The following GIMAP1 variants were observed in gnomAD, a reference collection of about 807,000 sequenced individuals.
The protein encoded by GIMAP1 is GTPase IMAP family member 1.
For synonymous variants in GIMAP1, 230 were observed against 187.7 expected, an observed-to-expected ratio of 1.23 and a Z score of -1.84; for missense variants, 423 against 411.9, an observed-to-expected ratio of 1.03 and a Z score of -0.23.
At position 150,720,809 on chromosome 7, in the gene GIMAP1, A is replaced by G; in HGVS notation, c.805A>G (p.Lys269Glu). ...GTCGGCCCGGCTGTGGAAGTGGCTGAAGTCCCCCAGGAGCTGGAGGCTGGG... is the reference window on the plus strand; with the variant it reads ...GTCGGCCCGGCTGTGGAAGTGGCTGGAGTCCCCCAGGAGCTGGAGGCTGGG... ...WLSARLWKWL[K>E]SPRSWRLGLA... Residue 269 changes from lysine (K) to glutamate (E), a missense_variant, in exon 3 of 3, where the codon AAG becomes GAG. By Grantham distance (56) the Lys-to-Glu change is moderately conservative (BLOSUM62 1). Transcript: ENST00000307194. This position sits in a 1 kb window ranked among gnomAD's most constrained non-coding sequence, Gnocchi z 4.5. 2 of 1,596,230 alleles carry G rather than the reference A, an allele frequency of 1.3e-6. No homozygotes were observed. Among genetic ancestry groups the G allele is most frequent in the Non-Finnish European group, 8.5e-7 (1 of 1,172,856 alleles).
intron 1 of GIMAP1, among the ~76,000 whole-genome samples, chr7:150,717,475 T>C (rs1404979708): frequency 1.3e-5 from 2 of 152,208 alleles, no homozygotes; most frequent in Non-Finnish European, 2.9e-5. Context: ...TCTTAAAGTG[T>C]TAGGAATACA....
intron 2 of GIMAP1, among the ~76,000 whole-genome samples, 169 bp from the exon 3 acceptor site, chr7:150,719,878 AG>A (rs1273269327): frequency 2.0e-4 from 31 of 152,378 alleles, no homozygotes; most frequent in African/African-American, 5.5e-4. Context: ...CTGTAGTTGG[AG>A]CATCTACTGG....
chr7:150,719,245 G>T, intron 2 of GIMAP1, 155 bp downstream of exon 2: 1 of 863,830 alleles, frequency 1.2e-6, no homozygotes, highest in South Asian at 1.7e-5. Context: ...CTGCATTTTA[G>T]CTGGATCTCT....
rs1797282831 is a variant in GIMAP1 at position 150,720,517 on chromosome 7, C to T, written c.513C>T (p.Asn171=). 6.2e-7 allele frequency: 1 copy of T among 1,600,970 alleles called. No homozygotes were observed. ...SLHDYVSNTE[N]RALRELVAEC... ...ACGATTACGTGAGCAACACAGAGAA[C>T]CGGGCCTTGCGCGAGCTGGTGGCCG... is the stretch of plus-strand genomic sequence containing the variant. The change falls in exon 3 of 3, where the codon AAC becomes AAT. Residue 171 remains asparagine (N), a synonymous_variant. Coordinates refer to ENST00000307194, the MANE Select transcript of GIMAP1 (RefSeq NM_130759.4). The surrounding 1 kb of genome is among the most constrained non-coding windows in gnomAD (Gnocchi z 4.5).
Position 150,720,578 on chromosome 7 carries a change from G to A in GIMAP1, c.574G>A (p.Ala192Thr), listed in dbSNP as rs143633188. The change falls in exon 3 of 3, where the codon GCC becomes ACC. Residue 192 changes from alanine to threonine, a missense_variant. Ala to Thr is a moderately conservative substitution (Grantham distance 58). Transcript: ENST00000307194. This position sits in a 1 kb window ranked among gnomAD's most constrained non-coding sequence, Gnocchi z 4.5. Reference protein sequence around the residue: ...GGRVCAFDNRATGREQEAQVE... With the variant: ...GGRVCAFDNRTTGREQEAQVE... ...CCGGGTCTGTGCCTTTGATAACCGG[G>A]CCACCGGCCGGGAGCAGGAAGCCCA... 1.9e-6 allele frequency: 3 copies of A among 1,613,636 alleles called. No individual in the cohort carries two copies. In the African/African-American group the frequency reaches 4.0e-5, roughly 22 times the overall value.
intron 1 of GIMAP1, among the ~76,000 whole-genome samples, chr7:150,718,142 G>A (rs919634418): frequency 2.6e-5 from 4 of 152,184 alleles, no homozygotes; most frequent in African/African-American, 9.7e-5. Context: ...TGACCGAGTG[G>A]GGTATTGTCT....
At chr7:150,719,117 C>G (rs1222988539) in intron 2 of GIMAP1, 27 bp downstream of exon 2, 1 of 1,614,006 alleles carries the variant, frequency 6.2e-7, no homozygotes, top group Admixed American at 1.7e-5. Flanking sequence ...ACACCTCATA[C>G]TTGCCCCCCT....
chr7:150,719,946 C>G lies in GIMAP1; in HGVS notation c.44-102C>G, dbSNP rs965036307. 12 of 1,446,608 alleles carry G rather than the reference C, an allele frequency of 8.3e-6. 1 individual carries two copies. The highest frequency in any genetic ancestry group is 4.7e-5 in the East Asian group (2 of 42,778). The allele number at this position is 1,446,608 out of a possible 1,614,324, so 89.6% of individuals were successfully genotyped here. On this transcript the variant is annotated intron_variant, in intron 2 of 2. Transcript: ENST00000307194. ...AGGTGGAAATGAACGCCCAGGCGTT[C>G]AAATCTCTATTCTTAACCACTTATG...
Position 150,720,624 on chromosome 7 carries a change from T to C in GIMAP1, c.620T>C (p.Met207Thr). ...QEAQVEQLLG[M>T]VEGLVLEHKG... Reference sequence around the variant, plus strand: ...GCCCAGGTGGAGCAGCTGCTGGGGATGGTCGAGGGCTTGGTGCTGGAGCAC... The same window carrying C: ...GCCCAGGTGGAGCAGCTGCTGGGGACGGTCGAGGGCTTGGTGCTGGAGCAC... The change falls in exon 3 of 3, where the codon ATG becomes ACG. Residue 207 changes from methionine (M) to threonine (T), a missense_variant. Met to Thr is a moderately conservative substitution (Grantham distance 81, BLOSUM62 -1). Transcript: ENST00000307194. This position sits in a 1 kb window ranked among gnomAD's most constrained non-coding sequence, Gnocchi z 4.5. The C allele has an allele frequency of 1.2e-6, 2 of 1,613,222 alleles. No individual in the cohort carries two copies. Among genetic ancestry groups the C allele is most frequent in the African/African-American group, 1.3e-5 (1 of 75,032 alleles).
At position 150,723,022 on chromosome 7, in the gene GIMAP1, A is replaced by G. The variant is rs760369834; in HGVS notation, c.*2097A>G. The G allele has an allele frequency of 1.3e-5, 2 of 152,208 alleles. No individual in the cohort carries two copies. The highest frequency in any genetic ancestry group is 2.4e-5 in the African/African-American group (1 of 41,456). 9.4% of individuals were successfully genotyped at this position (152,208 alleles called of 1,614,324 possible). On this transcript the variant is annotated 3_prime_UTR_variant, in exon 3 of 3. Transcript: ENST00000307194. ...TCTAGTCCTGCCTCCTACCTCAGTA[A>G]TAAAAAGTAGTAGTATATGGTTAAT...
At position 150,720,656 on chromosome 7, in the gene GIMAP1, G is replaced by T. The variant is rs201088881; in HGVS notation, c.652G>T (p.Ala218Ser). Residue 218 changes from alanine to serine, a missense_variant, in exon 3 of 3, where the codon GCC becomes TCC. Transcript: ENST00000307194. This position sits in a 1 kb window ranked among gnomAD's most constrained non-coding sequence, Gnocchi z 4.5. ...VEGLVLEHKGAHYSNEVYELA... is the reference protein window; with the variant it reads ...VEGLVLEHKGSHYSNEVYELA... The stretch of plus-strand genomic sequence containing the variant: ...GGGCTTGGTGCTGGAGCACAAGGGC[G>T]CCCATTACTCCAACGAGGTGTATGA... The T allele has an allele frequency of 6.2e-6, 10 of 1,608,312 alleles. No homozygotes were observed. Among genetic ancestry groups the T allele is most frequent in the East Asian group, 2.2e-5 (1 of 44,676 alleles).
chr7:150,722,620 T>C lies in GIMAP1; in HGVS notation c.*1695T>C, dbSNP rs1718476323. On this transcript the variant is annotated 3_prime_UTR_variant, in exon 3 of 3. Transcript: ENST00000307194. ...CGGTCACTTGCGCACGAGCCAGTGC[T>C]GCTGCTGGTGTTAGACAACAACTTT... The C allele has an allele frequency of 6.6e-6, 1 of 152,286 alleles. No individual in the cohort carries two copies. The highest frequency in any genetic ancestry group is 6.5e-5 in the Admixed American group (1 of 15,288). 9.4% of individuals were successfully genotyped at this position (152,286 alleles called of 1,614,324 possible).
intron 1 of GIMAP1, among the ~76,000 whole-genome samples, chr7:150,717,223 G>A (rs569023151): frequency 3.3e-5 from 5 of 152,182 alleles, no homozygotes; most frequent in Admixed American, 6.5e-5. Context: ...TTAAACATCT[G>A]CTCCCTTAAT....
At position 150,720,324 on chromosome 7, in the gene GIMAP1, T is replaced by C; in HGVS notation, c.320T>C (p.Leu107Pro). The part of the protein sequence containing the change: ...GCEERGHCYL[L>P]SAPGPHALLL... ...GAGGAGAGAGGTCACTGCTACCTGC[T>C]CTCGGCCCCCGGACCCCACGCGCTG... Residue 107 changes from leucine to proline, a missense_variant, in exon 3 of 3, where the codon CTC becomes CCC. Leu to Pro is a moderately conservative substitution (Grantham distance 98, BLOSUM62 -3). Transcript: ENST00000307194. This position sits in a 1 kb window ranked among gnomAD's most constrained non-coding sequence, Gnocchi z 4.5. The C allele has an allele frequency of 1.2e-6, 2 of 1,614,050 alleles. No individual in the cohort carries two copies. Among genetic ancestry groups the C allele is most frequent in the East Asian group, 2.2e-5 (1 of 44,882 alleles).
Position 150,720,919 on chromosome 7 carries a change from T to C in GIMAP1, c.915T>C (p.Pro305=), listed in dbSNP as rs1456022982. 6.4e-7 allele frequency: 1 copy of C among 1,555,992 alleles called. No individual in the cohort carries two copies. The highest frequency in any genetic ancestry group is 1.9e-5 in the Admixed American group (1 of 52,748). ...RWSEAVAEVG[P]D is the part of the protein sequence containing the mutation. Reference sequence around the variant, plus strand: ...CGGAGGCCGTTGCGGAGGTCGGGCCTGACTGACAGCGCAGGTCCTAAAACT... The same window carrying C: ...CGGAGGCCGTTGCGGAGGTCGGGCCCGACTGACAGCGCAGGTCCTAAAACT... The change falls in exon 3 of 3, where the codon CCT becomes CCC. Residue 305 remains proline (P), a synonymous_variant. Coordinates refer to ENST00000307194, the MANE Select transcript of GIMAP1 (RefSeq NM_130759.4). The surrounding 1 kb of genome is among the most constrained non-coding windows in gnomAD (Gnocchi z 4.5).
Position 150,720,739 on chromosome 7 carries a change from G to C in GIMAP1, c.735G>C (p.Glu245Asp). 6.4e-7 allele frequency: 1 copy of C among 1,564,982 alleles called. No homozygotes were observed. Among genetic ancestry groups the C allele is most frequent in the Non-Finnish European group, 8.7e-7 (1 of 1,155,242 alleles). ...GPEERLRRVA[E>D]RVAARVQRRP... ...AGGAGCGGCTCCGGCGGGTGGCGGA[G>C]CGCGTGGCAGCCAGGGTGCAGAGGA... The change falls in exon 3 of 3, where the codon GAG (glutamate) becomes GAC (aspartate). Residue 245 changes from glutamate to aspartate, a missense_variant. By Grantham distance (45) the Glu-to-Asp change is conservative. Coordinates refer to ENST00000307194, the MANE Select transcript of GIMAP1 (RefSeq NM_130759.4). The surrounding 1 kb of genome is among the most constrained non-coding windows in gnomAD (Gnocchi z 4.5).
At position 150,720,259 on chromosome 7, in the gene GIMAP1, C is replaced by T. The variant is rs1797277312; in HGVS notation, c.255C>T (p.Asp85=). The T allele has an allele frequency of 6.2e-7, 1 of 1,614,222 alleles. No homozygotes were observed. The highest frequency in any genetic ancestry group is 8.5e-7 in the Non-Finnish European group (1 of 1,180,050). ...KCHVEVVDTP[D]IFSSQVSKTD... ...ACGTGGAAGTCGTGGACACTCCGGA[C>T]ATTTTCAGCTCCCAAGTGTCCAAGA... The change falls in exon 3 of 3, where the codon GAC becomes GAT. Residue 85 remains aspartate (D), a synonymous_variant. Transcript: ENST00000307194. The surrounding 1 kb of genome is among the most constrained non-coding windows in gnomAD (Gnocchi z 4.5).
rs1797334060 is a variant in GIMAP1 at position 150,723,264 on chromosome 7, C to CA, written c.*2340dup. ...CCCCGTTATACAACCCAGTGCCTGG[C>CA]ATAGAAAGTGGGATCAACAAATGTT... On this transcript the variant is annotated 3_prime_UTR_variant, in exon 3 of 3. Coordinates refer to ENST00000307194, the MANE Select transcript of GIMAP1 (RefSeq NM_130759.4). The CA allele has an allele frequency of 6.6e-6, 1 of 151,850 alleles. No homozygotes were observed. Among genetic ancestry groups the CA allele is most frequent in the East Asian group, 1.9e-4 (1 of 5,186 alleles). 9.4% of individuals were successfully genotyped at this position (151,850 alleles called of 1,614,324 possible).
Position 150,716,620 on chromosome 7 carries a change from A to G in GIMAP1, c.-77A>G, listed in dbSNP as rs752087083. 12 of 152,274 alleles carry G rather than the reference A, an allele frequency of 7.9e-5. No homozygotes were observed. Among genetic ancestry groups the G allele is most frequent in the South Asian group, 2.1e-4 (1 of 4,822 alleles). The allele number at this position is 152,274 out of a possible 1,614,324, so 9.4% of individuals were successfully genotyped here. A position where few individuals can be genotyped will look rare whatever the true frequency, so the allele number is the denominator to read the frequency against. On this transcript the variant is annotated 5_prime_UTR_variant, in exon 1 of 3. Transcript: ENST00000307194. ...GTGCCGAGAGGAAACAGCCTTCTGC[A>G]CTCACAGCCGAAGGGAAAGCAGCAG...
Sources: allele counts gnomAD v4.1 joint callset (sites outside exome capture counted in the v4.1 genomes callset), GRCh38; gene constraint gnomAD v4.1.1; non-coding constraint Gnocchi (gnomAD v3.1); transcripts MANE v1.5; gene names NCBI Gene and HGNC (gene_info 2026-07-23, HGNC 2026-07-21).